ABCC1: variants seen among roughly 807,000 people sequenced by gnomAD.
ABCC1 encodes ATP binding cassette subfamily C member 1 (ABCC1 blood group), also known as multidrug resistance-associated protein 1.
Under a neutral mutation model 172.9 loss-of-function variants are expected in ABCC1, and 83 were observed. That is an observed-to-expected ratio of 0.48 (90% CI 0.40 to 0.58). The LOEUF (loss-of-function observed/expected upper bound fraction) is 0.58, where lower values mean the gene tolerates loss of function less well. ABCC1 is among the 20% of genes least tolerant of loss of function. The pLI is 0.00. For synonymous variants in ABCC1, 937 were observed against 825.2 expected (o/e 1.14, Z -2.32); for missense variants, 1,817 against 2,002.7 (o/e 0.91, Z 1.77).
intron 1 of ABCC1, among the ~76,000 whole-genome samples, chr16:15,968,834 C>T (rs2046304393): frequency 6.6e-6 from 1 of 152,010 alleles, no homozygotes; most frequent in African/African-American, 2.4e-5. Context: ...GCAATCCTCC[C>T]ACCTTAGCCT....
In ABCC1 at chr16:16,038,043, A is replaced by AGGATGGAT. The variant is rs150697316; in HGVS notation, c.809+1453_809+1460dup. On this transcript the variant is annotated intron_variant, in intron 7 of 30. Coordinates refer to ENST00000399410, the MANE Select transcript of ABCC1 (RefSeq NM_004996.4). ...AGTTCTTCATGGAGACAGAACTAGT[A>AGGATGGAT]GGATGGATGGATGGATGGATAGATG... 1.1e-3 allele frequency among the ~76,000 whole-genome samples: 168 copies of AGGATGGAT among 151,718 alleles called. 1 individual carries two copies. The highest frequency in any genetic ancestry group is 5.4e-3 in the East Asian group (28 of 5,154).
chr16:16,017,946 A>G (rs2048062493), intron 5 of ABCC1, among the ~76,000 whole-genome samples: 1 of 152,158 alleles, frequency 6.6e-6, no homozygotes, highest in Admixed American at 6.6e-5. Context: ...AAAAGCCAGC[A>G]CAGCAGGAGA....
intron 21 of ABCC1, among the ~76,000 whole-genome samples, chr16:16,108,258 A>G (rs1451512828): frequency 7.8e-6 from 1 of 128,544 alleles, no homozygotes; most frequent in Non-Finnish European, 1.6e-5. Flanking sequence ...CAACACGCTT[A>G]TCGTTTCTTT....
intron 19 of ABCC1, among the ~76,000 whole-genome samples, chr16:16,099,267 C>T (rs2051620364): frequency 6.6e-6 from 1 of 152,210 alleles, no homozygotes; most frequent in Non-Finnish European, 1.5e-5. Context: ...TGAGCTGCCA[C>T]GCATAGATCC....
Position 16,097,022 on chromosome 16 carries a change from T to C in ABCC1, c.2645-5605T>C, listed in dbSNP as rs139284539. On this transcript the variant is annotated intron_variant, in intron 19 of 30. Transcript: ENST00000399410. ...TGCTTTGATTACTTTGTGGCACTTA[T>C]TGCTGCCTGGAGTAAATTATGGATC... Among the ~76,000 whole-genome samples, 9 of 152,356 alleles carry C rather than the reference T, an allele frequency of 5.9e-5. No individual in the cohort carries two copies. The East Asian group carries it at 1.3e-3, about 23-fold the overall frequency.
Position 16,050,142 on chromosome 16 carries a change from A to G in ABCC1, c.1380+1839A>G, listed in dbSNP as rs145072592. ...CAACCCCAGCAGGGCCTGATGCATA[A>G]TGGGCACAGCTCAAATTATTATCTG... On this transcript the variant is annotated intron_variant, in intron 10 of 30. Coordinates refer to ENST00000399410, the MANE Select transcript of ABCC1 (RefSeq NM_004996.4). 5.8e-3 allele frequency among the ~76,000 whole-genome samples: 877 copies of G among 152,262 alleles called. 3 individuals are homozygous for G. The highest frequency in any genetic ancestry group is 0.01 in the Non-Finnish European group (692 of 68,026).
chr16:16,127,176 C>G (rs1217351818), intron 26 of ABCC1, among the ~76,000 whole-genome samples: 1 of 152,154 alleles, frequency 6.6e-6, no homozygotes, highest in East Asian at 1.9e-4. Flanking sequence ...ATGTCAGGCC[C>G]AGACTTAAAC....
chr16:16,137,908 A>G (rs917003380), intron 29 of ABCC1, among the ~76,000 whole-genome samples: 44 of 151,580 alleles, frequency 2.9e-4, no homozygotes, highest in Admixed American at 1.3e-3. Flanking sequence ...TCTGTTGCCT[A>G]GGCTGGAGTA....
rs1242773101 is a variant in ABCC1, at chr16:16,052,898, G to C, written c.1473+82G>C. On this transcript the variant is annotated intron_variant, in intron 11 of 30. Transcript: ENST00000399410. ...TGAGGATTTTAGTCCAGTTCCTTCTGCTCTGTCCCTGGGGTTCTCAGCCTT... is the reference window on the plus strand; with the variant it reads ...TGAGGATTTTAGTCCAGTTCCTTCTCCTCTGTCCCTGGGGTTCTCAGCCTT... The C allele has an allele frequency of 6.5e-6, 9 of 1,382,154 alleles. No individual in the cohort carries two copies. The East Asian group carries it at 1.4e-4, about 21-fold the overall frequency. 85.6% of individuals were successfully genotyped at this position (1,382,154 alleles called of 1,614,324 possible).
At chr16:16,029,316 G>A (rs1397402946) in intron 5 of ABCC1, among the ~76,000 whole-genome samples, 2 of 152,180 alleles carry the variant, frequency 1.3e-5, no homozygotes, top group East Asian at 1.9e-4. Flanking sequence ...TCTGCCTCCC[G>A]GGTTCAAGCC....
chr16:16,011,714 G>A (rs542786521), intron 3 of ABCC1, among the ~76,000 whole-genome samples: 105 of 151,874 alleles, frequency 6.9e-4, no homozygotes, highest in African/African-American at 2.5e-3. Flanking sequence ...TTGTTGCCCA[G>A]GCTGAAATGT....
chr16:16,084,470 T>G (rs145945356), intron 17 of ABCC1, among the ~76,000 whole-genome samples: 83 of 150,520 alleles, frequency 5.5e-4, no homozygotes, highest in Middle Eastern at 3.4e-3. Flanking sequence ...TTCAAGTGAT[T>G]CTCCTCCCTC....
At chr16:16,067,206 C>T (rs370212651) in intron 12 of ABCC1, among the ~76,000 whole-genome samples, 3 of 152,146 alleles carry the variant, frequency 2.0e-5, no homozygotes, top group East Asian at 1.9e-4. Flanking sequence ...GCCATGATTG[C>T]ACCACTGCAC....
chr16:16,025,790 T>C (rs1460731425), intron 5 of ABCC1, among the ~76,000 whole-genome samples: 1 of 152,170 alleles, frequency 6.6e-6, no homozygotes, highest in Admixed American at 6.5e-5. Context: ...CATCACTCTG[T>C]TTGGATGAAT....
chr16:15,961,000 GTTTT>G lies in ABCC1; in HGVS notation c.48+11222_48+11225del, dbSNP rs745767540. The stretch of plus-strand genomic sequence containing the variant: ...CTGTTTATGTTTGAATGAAACGCAG[GTTTT>G]TTTTTTTTTTTTTTTTTTTTAAAAT... On this transcript the variant is annotated intron_variant, in intron 1 of 30. Transcript: ENST00000399410. Among the ~76,000 whole-genome samples the G allele has an allele frequency of 5.4e-4, 58 of 107,706 alleles. No homozygotes were observed. In the South Asian group the frequency reaches 5.4e-3, roughly 10 times the overall value. The allele number at this position is 107,706 out of a possible 152,430, so 70.7% of individuals were successfully genotyped here.
chr16:15,977,269 A>G (rs953830517), intron 1 of ABCC1, among the ~76,000 whole-genome samples: 21 of 152,144 alleles, frequency 1.4e-4, no homozygotes, highest in Non-Finnish European at 4.4e-5. Context: ...AGTCTGGGTG[A>G]TGCAGCATTT....
In ABCC1 at chr16:16,111,564, G is replaced by A. The variant is rs2052391444; in HGVS notation, c.3061G>A (p.Ala1021Thr). 6.2e-7 allele frequency: 1 copy of A among 1,613,346 alleles called. No individual in the cohort carries two copies. The highest frequency in any genetic ancestry group is 8.5e-7 in the Non-Finnish European group (1 of 1,179,952). The change falls in exon 22 of 31, where the codon GCC (alanine) becomes ACC (threonine). Residue 1021 changes from alanine (A) to threonine (T), a missense_variant. This residue lies in a region of ABCC1 where 1,412 missense variants were observed against 1,600.3 expected (regional missense o/e 0.88). Transcript: ENST00000399410. ...GAAAGTCCGGCTGAGCGTCTATGGA[G>A]CCCTGGGCATTTCACAAGGTTGGTG... The part of the protein sequence containing the change: ...HTKVRLSVYG[A>T]LGISQGIAVF...
At chr16:16,000,901 T>G (rs1301252096) in intron 1 of ABCC1, among the ~76,000 whole-genome samples, 1 of 152,100 alleles carries the variant, frequency 6.6e-6, no homozygotes, top group Non-Finnish European at 1.5e-5. Flanking sequence ...TTTTGAAGGA[T>G]GAATAGGAGT....
intron 1 of ABCC1, among the ~76,000 whole-genome samples, chr16:15,990,243 C>G (rs1013546753): frequency 1.2e-4 from 18 of 152,104 alleles, no homozygotes; most frequent in African/African-American, 4.3e-4. Flanking sequence ...GACAGGGTTT[C>G]ACCATAGTGG....
Sources: gnomAD v4.1 joint callset for allele counts (sites outside exome capture counted in the v4.1 genomes callset) on GRCh38, gnomAD v4.1.1 for gene constraint, gnomAD v4.1.1 regional missense constraint, MANE v1.5 for transcripts, NCBI Gene and HGNC (gene_info 2026-07-23, HGNC 2026-07-21) for gene names.